DAB1: variants seen among roughly 807,000 people sequenced by gnomAD.
DAB1 encodes the protein DAB adaptor protein 1.
In DAB1, 15 loss-of-function variants were observed where a neutral mutation model predicts 64.6. That is an observed-to-expected ratio of 0.23 (90% confidence interval 0.16 to 0.36). The LOEUF is 0.36. DAB1 is among the 10% of genes least tolerant of loss of function. The pLI, the probability that DAB1 is intolerant of heterozygous loss-of-function variation, is 1.00. For missense variants in DAB1, 596 were observed against 706.7 expected, an observed-to-expected ratio of 0.84 and a Z score of 1.78; for synonymous variants, 235 against 251.9, an observed-to-expected ratio of 0.93 and a Z score of 0.64.
At chr1:58,436,049 C>A (rs1456093393) in intron 3 of DAB1, among the ~76,000 whole-genome samples, 1 of 152,158 alleles carries the variant, frequency 6.6e-6, no homozygotes, top group East Asian at 1.9e-4. Flanking sequence ...TCACAGTTTG[C>A]CCAGCCTCAC....
At chr1:58,082,262 G>T (rs1650039506) in intron 5 of DAB1, among the ~76,000 whole-genome samples, 1 of 152,080 alleles carries the variant, frequency 6.6e-6, no homozygotes, top group Non-Finnish European at 1.5e-5. Context: ...CTTTGAGTCA[G>T]TGATCTCGTT....
intron 1 of DAB1, among the ~76,000 whole-genome samples, chr1:57,881,720 TG>T (rs1021720747): frequency 6.6e-6 from 1 of 152,120 alleles, no homozygotes; most frequent in African/African-American, 2.4e-5. Flanking sequence ...AATAGATGTG[TG>T]GGGGATGATG....
intron 5 of DAB1, among the ~76,000 whole-genome samples, chr1:58,020,962 C>T (rs1417483324): frequency 6.6e-6 from 1 of 152,134 alleles, no homozygotes; most frequent in Non-Finnish European, 1.5e-5. Flanking sequence ...GAGATCACGC[C>T]ACTGTACTCC....
At chr1:58,295,552 C>T (rs1661949279) in intron 4 of DAB1, among the ~76,000 whole-genome samples, 1 of 152,156 alleles carries the variant, frequency 6.6e-6, no homozygotes, top group African/African-American at 2.4e-5. Flanking sequence ...CATTCTCTAG[C>T]TCAAGCCATA....
intron 4 of DAB1, among the ~76,000 whole-genome samples, chr1:57,107,453 C>T (rs1655275688): frequency 6.6e-6 from 1 of 151,222 alleles, no homozygotes; most frequent in African/African-American, 2.4e-5. Flanking sequence ...TATGCTGGAC[C>T]TTGTGATAGG....
chr1:57,201,576 T>C lies in DAB1; in HGVS notation c.68-56147A>G, dbSNP rs12566131. Among the ~76,000 whole-genome samples, 1,273 of 152,184 alleles carry C rather than the reference T, an allele frequency of 8.4e-3. 31 individuals carry two copies. In the East Asian group the frequency reaches 0.091, roughly 11 times the overall value. ...TATTTACGATTTGATGTGTACCCTA[T>C]GTTTCAAAATTCATGCAAAAACACA... is the stretch of plus-strand genomic sequence containing the variant. On this transcript the variant is annotated intron_variant, in intron 2 of 14. Coordinates refer to ENST00000371236, the MANE Select transcript of DAB1 (RefSeq NM_001365792.1).
intron 4 of DAB1, among the ~76,000 whole-genome samples, chr1:58,197,847 C>T (rs1234338381): frequency 6.6e-6 from 1 of 152,100 alleles, no homozygotes; most frequent in African/African-American, 2.4e-5. Flanking sequence ...GTCAAGCAAA[C>T]TCTCACTTGG....
intron 4 of DAB1, among the ~76,000 whole-genome samples, chr1:58,228,018 C>T (rs17493209): frequency 0.013 from 2,000 of 152,288 alleles, 17 homozygotes; most frequent in Non-Finnish European, 0.021. Context: ...CTCCCTGAGG[C>T]GAGGGTAAGC....
intron 6 of DAB1, among the ~76,000 whole-genome samples, chr1:57,651,408 G>A (rs1048624146): frequency 3.3e-5 from 5 of 151,976 alleles, no homozygotes; most frequent in Non-Finnish European, 5.9e-5. Flanking sequence ...CTGTTCAAGG[G>A]AAAAAAAGTT....
At chr1:57,322,050 C>G (rs1675767136) in intron 1 of DAB1, among the ~76,000 whole-genome samples, 2 of 152,192 alleles carry the variant, frequency 1.3e-5, no homozygotes, top group African/African-American at 4.8e-5. Flanking sequence ...ATCCCACTGG[C>G]CCTAGCTATG....
chr1:57,263,972 G>A (rs1670391099), intron 2 of DAB1, among the ~76,000 whole-genome samples: 1 of 152,114 alleles, frequency 6.6e-6, no homozygotes, highest in East Asian at 1.9e-4. Flanking sequence ...CAGGACTGTG[G>A]GCTCCCTGAG....
At chr1:57,447,219 T>C (rs1686174350) in intron 7 of DAB1, among the ~76,000 whole-genome samples, 1 of 152,154 alleles carries the variant, frequency 6.6e-6, no homozygotes, top group African/African-American at 2.4e-5. Context: ...ACATTTGGGA[T>C]GGGAGAGTGA....
intron 3 of DAB1, among the ~76,000 whole-genome samples, chr1:58,489,690 C>A (rs1373468372): frequency 6.6e-6 from 1 of 152,196 alleles, no homozygotes; most frequent in African/African-American, 2.4e-5. Context: ...GGAGGCACCC[C>A]CCAGTAGGGG....
At position 57,247,162 on chromosome 1, in the gene DAB1, T is replaced by C. The variant is rs376302277; in HGVS notation, c.67+43802A>G. Among the ~76,000 whole-genome samples, 97 of 152,252 alleles carry C rather than the reference T, an allele frequency of 6.4e-4. 1 individual carries two copies. The South Asian group carries it at 0.017, about 27-fold the overall frequency. On this transcript the variant is annotated intron_variant, in intron 2 of 14. Transcript: ENST00000371236. ...GGGAGGAGCTAGGGGCAAAATTATA[T>C]AGTCTGGCTCTGTGTCTCCACTCAA...
intron 4 of DAB1, among the ~76,000 whole-genome samples, chr1:58,318,707 C>T (rs2100482101): frequency 6.6e-6 from 1 of 152,352 alleles, no homozygotes; most frequent in East Asian, 1.9e-4. Flanking sequence ...CACTGCCTCA[C>T]ATCATCTATT....
intron 2 of DAB1, among the ~76,000 whole-genome samples, chr1:57,186,151 C>A (rs537274868): frequency 2.0e-5 from 3 of 152,256 alleles, no homozygotes; most frequent in South Asian, 2.1e-4. Context: ...TAGGGTATAA[C>A]CAAGTGGTTA....
At chr1:57,921,506 T>G (rs1357036164) in intron 5 of DAB1, among the ~76,000 whole-genome samples, 1 of 152,116 alleles carries the variant, frequency 6.6e-6, no homozygotes, top group Non-Finnish European at 1.5e-5. Context: ...TCTCAGTAAG[T>G]GGCAGCCCAG....
chr1:58,371,198 G>C (rs1644261504), intron 3 of DAB1, among the ~76,000 whole-genome samples: 1 of 152,212 alleles, frequency 6.6e-6, no homozygotes, highest in Non-Finnish European at 1.5e-5. Context: ...GGTGGTCTCA[G>C]ATGGAGATGA....
At chr1:57,206,090 G>A (rs972297671) in intron 2 of DAB1, among the ~76,000 whole-genome samples, 1 of 152,206 alleles carries the variant, frequency 6.6e-6, no homozygotes, top group Non-Finnish European at 1.5e-5. Context: ...TAGTGCTGAG[G>A]GTGCTGGAGC....
Sources: allele counts gnomAD v4.1 joint callset (sites outside exome capture counted in the v4.1 genomes callset), GRCh38; gene constraint gnomAD v4.1.1; transcripts MANE v1.5; gene names NCBI Gene and HGNC (gene_info 2026-07-23, HGNC 2026-07-21).